BICD1: variants seen among roughly 807,000 people sequenced by gnomAD.
BICD1 encodes protein bicaudal D homolog 1.
In BICD1, 35 loss-of-function variants were observed where a neutral mutation model predicts 92.5. The observed-to-expected ratio is 0.38, with a 90% CI of 0.29 to 0.50. The LOEUF (loss-of-function observed/expected upper bound fraction) is 0.50, where lower values mean the gene tolerates loss of function less well. Ranked by LOEUF, BICD1 falls within the 20% of genes least tolerant of loss-of-function variation. The probability of loss-of-function intolerance (pLI) is 0.93; values close to 1 mark genes in which losing one functional copy is unlikely to be tolerated. For synonymous variants in BICD1, 429 were observed against 465.1 expected, an observed-to-expected ratio of 0.92 and a Z score of 1.00; for missense variants, 950 against 1,189.8, an observed-to-expected ratio of 0.80 and a Z score of 2.97.
intron 8 of BICD1, 124 bp from the exon 9 acceptor site, chr12:32,367,546 A>C: frequency 1.3e-6 from 1 of 790,958 alleles, no homozygotes; most frequent in Non-Finnish European, 2.0e-6. Context: ...AAGCTGAATC[A>C]GGATATTTCT....
chr12:32,235,266 G>C (rs1441690503), intron 2 of BICD1, among the ~76,000 whole-genome samples: 1 of 152,154 alleles, frequency 6.6e-6, no homozygotes, highest in Admixed American at 6.5e-5. Flanking sequence ...TAACTCAGTA[G>C]TTAGAATGAA....
intron 1 of BICD1, among the ~76,000 whole-genome samples, chr12:32,130,039 G>A (rs561651272): frequency 2.0e-5 from 3 of 152,174 alleles, no homozygotes; most frequent in African/African-American, 7.2e-5. Context: ...ACAACATAAT[G>A]CAATAGGAAA....
intron 4 of BICD1, among the ~76,000 whole-genome samples, chr12:32,324,945 A>G (rs188964649): frequency 1.3e-5 from 2 of 152,224 alleles, no homozygotes; most frequent in East Asian, 1.9e-4. Context: ...GTGAACATCT[A>G]AAGTCCCTCA....
intron 3 of BICD1, among the ~76,000 whole-genome samples, chr12:32,294,767 T>C (rs1286188364): frequency 1.3e-5 from 2 of 151,700 alleles, no homozygotes; most frequent in African/African-American, 4.8e-5. Context: ...TTATGAAGTA[T>C]AAATCAAGAA....
chr12:32,372,600 C>T lies in BICD1; in HGVS notation c.2840+4855C>T, dbSNP rs186186436. ...CTTTAACAATGTAGAACTTTTCAGC[C>T]GGACATGGTGACTCACCTCTGTAGT... On this transcript the variant is annotated intron_variant, in intron 9 of 9. Coordinates refer to ENST00000652176, the MANE Select transcript of BICD1 (RefSeq NM_001714.4). 4.6e-5 allele frequency among the ~76,000 whole-genome samples: 7 copies of T among 152,118 alleles called. No individual in the cohort carries two copies. The South Asian group carries it at 1.0e-3, about 23-fold the overall frequency.
intron 2 of BICD1, among the ~76,000 whole-genome samples, chr12:32,273,093 C>T (rs1947184727): frequency 6.6e-6 from 1 of 152,194 alleles, no homozygotes; most frequent in South Asian, 2.1e-4. Context: ...CTTGACACCT[C>T]TGTTTCACTT....
At chr12:32,138,941 C>T (rs1942817816) in intron 1 of BICD1, among the ~76,000 whole-genome samples, 1 of 152,060 alleles carries the variant, frequency 6.6e-6, no homozygotes, top group Non-Finnish European at 1.5e-5. Context: ...ATTGTACATT[C>T]TTACATAAGA....
chr12:32,333,128 T>C (rs1937952261), intron 5 of BICD1: 1 of 984,328 alleles, frequency 1.0e-6, no homozygotes, highest in South Asian at 4.7e-5. Context: ...GGATTCTATG[T>C]GCTTACAAAT....
At chr12:32,247,113 C>T (rs990415145) in intron 2 of BICD1, among the ~76,000 whole-genome samples, 1 of 151,308 alleles carries the variant, frequency 6.6e-6, no homozygotes, top group Non-Finnish European at 1.5e-5. Context: ...AAAAATTAGC[C>T]CGGTATGGTG....
At chr12:32,324,670 G>A (rs1286486536) in intron 4 of BICD1, among the ~76,000 whole-genome samples, 1 of 151,974 alleles carries the variant, frequency 6.6e-6, no homozygotes, top group East Asian at 1.9e-4. Context: ...CCATCCCCCG[G>A]GTTCAGGCAA....
chr12:32,172,113 G>A (rs895752987), intron 1 of BICD1, among the ~76,000 whole-genome samples: 8 of 152,078 alleles, frequency 5.3e-5, no homozygotes, highest in Admixed American at 1.3e-4. Context: ...GACTGGGCAC[G>A]AATGCACACA....
intron 2 of BICD1, among the ~76,000 whole-genome samples, chr12:32,240,656 G>T (rs1265053318): frequency 6.6e-6 from 1 of 152,136 alleles, no homozygotes; most frequent in East Asian, 1.9e-4. Flanking sequence ...ACCATATAAG[G>T]TAAGAGTCAC....
At chr12:32,344,550 G>C (rs1938498986) in intron 8 of BICD1, among the ~76,000 whole-genome samples, 1 of 152,188 alleles carries the variant, frequency 6.6e-6, no homozygotes, top group Admixed American at 6.5e-5. Flanking sequence ...AAAATATGCA[G>C]ATGAGAGGTA....
intron 4 of BICD1, among the ~76,000 whole-genome samples, chr12:32,316,256 G>A (rs1948497707): frequency 6.6e-6 from 1 of 151,216 alleles, no homozygotes; most frequent in Admixed American, 6.6e-5. Context: ...TAGGTTATGT[G>A]TATTAAATGC....
chr12:32,376,365 G>A (rs1278326382), intron 9 of BICD1, among the ~76,000 whole-genome samples: 1 of 151,968 alleles, frequency 6.6e-6, no homozygotes, highest in East Asian at 1.9e-4. Context: ...GGGATTACAG[G>A]TGTGAGCCAC....
At chr12:32,118,002 G>A (rs1205040572) in intron 1 of BICD1, among the ~76,000 whole-genome samples, 3 of 151,252 alleles carry the variant, frequency 2.0e-5, no homozygotes, top group African/African-American at 7.3e-5. Context: ...TGCTCGCCTC[G>A]GCCTCCCAAA....
chr12:32,296,314 G>A (rs1251255256), intron 3 of BICD1, among the ~76,000 whole-genome samples: 1 of 141,140 alleles, frequency 7.1e-6, no homozygotes, highest in Non-Finnish European at 1.5e-5. Context: ...CTGGAGTGCA[G>A]TGGCGCGATC....
At chr12:32,306,433 A>G (rs1056755332) in intron 4 of BICD1, among the ~76,000 whole-genome samples, 3 of 151,590 alleles carry the variant, frequency 2.0e-5, no homozygotes, top group Admixed American at 6.6e-5. Flanking sequence ...TTTAGTAGAG[A>G]CGGGGTTTCA....
At chr12:32,249,061 C>T (rs796524578) in intron 2 of BICD1, among the ~76,000 whole-genome samples, 4 of 152,192 alleles carry the variant, frequency 2.6e-5, no homozygotes, top group Non-Finnish European at 4.4e-5. Flanking sequence ...ATTTGTGGGG[C>T]GGGTTGGAGG....
Sources: gnomAD v4.1 joint callset for allele counts (sites outside exome capture counted in the v4.1 genomes callset) on GRCh38, gnomAD v4.1.1 for gene constraint, MANE v1.5 for transcripts, NCBI Gene and HGNC (gene_info 2026-07-23, HGNC 2026-07-21) for gene names.